The following SLCO2A1 variants were observed in gnomAD, a reference collection of about 807,000 sequenced individuals.
The protein encoded by SLCO2A1 is solute carrier organic anion transporter family member 2A1.
SLCO2A1 carries 60 observed loss-of-function variants against 71.7 expected under a neutral mutation model. The ratio of observed to expected loss-of-function variants is 0.84; its 90% confidence interval spans 0.68 to 1.04. The LOEUF is 1.04. Ranked by LOEUF, SLCO2A1 falls within the 50% of genes least tolerant of loss-of-function variation. The pLI is 0.00. For synonymous variants in SLCO2A1, 308 were observed against 326.7 expected, an observed-to-expected ratio of 0.94 and a Z score of 0.62; for missense variants, 745 against 813.4, an observed-to-expected ratio of 0.92 and a Z score of 1.02.
At chr3:134,002,718 AT>A (rs2108070545) in intron 1 of SLCO2A1, among the ~76,000 whole-genome samples, 1 of 152,290 alleles carries the variant, frequency 6.6e-6, no homozygotes, top group African/African-American at 2.4e-5. Flanking sequence ...TGCATTTATA[AT>A]AAACTCTCAT....
intron 1 of SLCO2A1, among the ~76,000 whole-genome samples, chr3:134,006,941 T>C (rs543849411): frequency 2.0e-4 from 30 of 152,340 alleles, no homozygotes; most frequent in African/African-American, 6.7e-4. Context: ...TTCCCACCAA[T>C]AGTGCACAAG....
rs368928185 is a variant in SLCO2A1, at chr3:133,945,127, T to C, written c.1429A>G (p.Ile477Val). Residue 477 changes from isoleucine (I) to valine (V), a missense_variant, in exon 10 of 14, where the codon ATC becomes GTC. Ile to Val is a conservative substitution (Grantham distance 29). Coordinates refer to ENST00000310926, the MANE Select transcript of SLCO2A1 (RefSeq NM_005630.3). ...LSPCHAGCSN[I>V]NMSSATSKQL... ...TTGGAGGTTGCAGAGCTCATGTTGATGTTGCTGCAGCCGGCATGGCAAGGG... is the reference window on the plus strand; with the variant it reads ...TTGGAGGTTGCAGAGCTCATGTTGACGTTGCTGCAGCCGGCATGGCAAGGG... 6.3e-5 allele frequency: 101 copies of C among 1,613,934 alleles called. No individual in the cohort carries two copies. In the South Asian group the frequency reaches 1.1e-3, roughly 18 times the overall value.
intron 3 of SLCO2A1, among the ~76,000 whole-genome samples, chr3:133,970,219 T>C (rs1297293334): frequency 3.9e-5 from 6 of 152,318 alleles, no homozygotes. Flanking sequence ...GCCACCAGGC[T>C]AAATTCTGAA....
At chr3:133,974,409 AG>A (rs775845944) in intron 2 of SLCO2A1, among the ~76,000 whole-genome samples, 15 of 152,244 alleles carry the variant, frequency 9.9e-5, no homozygotes, top group Non-Finnish European at 1.9e-4. Context: ...CTATGAGGTT[AG>A]GGCATGGCTT....
intron 1 of SLCO2A1, among the ~76,000 whole-genome samples, chr3:134,010,751 CAAAAAAA>C (rs57260052): frequency 1.4e-5 from 1 of 70,890 alleles, no homozygotes. Context: ...AGACTCTGTC[CAAAAAAA>C]AAAAAAAAAA....
At chr3:133,979,256 G>T (rs1169033607) in intron 2 of SLCO2A1, among the ~76,000 whole-genome samples, 1 of 152,244 alleles carries the variant, frequency 6.6e-6, no homozygotes, top group Non-Finnish European at 1.5e-5. Context: ...CCCAGGTCAG[G>T]CATGGGAGGC....
intron 1 of SLCO2A1, among the ~76,000 whole-genome samples, chr3:133,981,903 A>C (rs1052177541): frequency 9.3e-5 from 13 of 139,766 alleles, no homozygotes; most frequent in African/African-American, 3.5e-4. Context: ...TGAACCTGGG[A>C]GGTGGAGGTT....
At chr3:134,000,525 C>T (rs1935086000) in intron 1 of SLCO2A1, among the ~76,000 whole-genome samples, 1 of 152,116 alleles carries the variant, frequency 6.6e-6, no homozygotes, top group Non-Finnish European at 1.5e-5. Flanking sequence ...GAAGGCGGTG[C>T]AGGGAGCTAA....
chr3:133,976,851 G>A (rs1187266782), intron 2 of SLCO2A1, among the ~76,000 whole-genome samples: 1 of 152,182 alleles, frequency 6.6e-6, no homozygotes, highest in Non-Finnish European at 1.5e-5. Context: ...AAGAGAAGCT[G>A]CTGCTTCAAG....
At chr3:133,946,782 AT>A (rs1198861541) in intron 9 of SLCO2A1, among the ~76,000 whole-genome samples, 1 of 152,188 alleles carries the variant, frequency 6.6e-6, no homozygotes, top group Non-Finnish European at 1.5e-5. Flanking sequence ...GGAGCAGACC[AT>A]TCAAGACCTG....
Position 133,948,675 on chromosome 3 carries a change from G to T in SLCO2A1, c.966C>A (p.Leu322=), listed in dbSNP as rs562079749. Reference sequence around the variant, plus strand: ...CCAGGACGAAGAGTGAGTTCATCAGGAGCCTCAGAAAGATGCATGGAAACC... The same window carrying T: ...CCAGGACGAAGAGTGAGTTCATCAGTAGCCTCAGAAAGATGCATGGAAACC... ...IKRFPCIFLR[L]LMNSLFVLVV... The change falls in exon 8 of 14, where the codon CTC becomes CTA. Residue 322 remains leucine, a synonymous_variant. Transcript: ENST00000310926. 1 of 1,614,104 alleles carries T rather than the reference G, an allele frequency of 6.2e-7. No individual in the cohort carries two copies. Among genetic ancestry groups the T allele is most frequent in the East Asian group, 2.2e-5 (1 of 44,880 alleles).
intron 2 of SLCO2A1, among the ~76,000 whole-genome samples, chr3:133,978,042 AG>A (rs980015366): frequency 1.3e-4 from 20 of 152,276 alleles, no homozygotes; most frequent in African/African-American, 4.8e-4. Flanking sequence ...TCAGGCCAGC[AG>A]GGATGACTTA....
intron 1 of SLCO2A1, among the ~76,000 whole-genome samples, chr3:134,027,586 C>A (rs1000145799): frequency 2.0e-5 from 3 of 152,172 alleles, no homozygotes; most frequent in Non-Finnish European, 4.4e-5. Flanking sequence ...GCTGAATAAA[C>A]CCCTTCCTTC....
At chr3:133,973,951 GC>G in intron 2 of SLCO2A1, 126 bp from the exon 3 acceptor site, 1 of 958,292 alleles carries the variant, frequency 1.0e-6, no homozygotes, top group Non-Finnish European at 1.5e-6. Flanking sequence ...GTCAGCTGGG[GC>G]CCAGACAGAG....
chr3:133,991,982 G>A (rs1207658184), intron 1 of SLCO2A1, among the ~76,000 whole-genome samples: 2 of 152,214 alleles, frequency 1.3e-5, no homozygotes, highest in South Asian at 2.1e-4. Flanking sequence ...GCACAGAGAA[G>A]CAAACTGCAA....
intron 11 of SLCO2A1, 151 bp from the exon 12 acceptor site, chr3:133,938,644 C>G (rs907157805): frequency 4.4e-6 from 3 of 685,750 alleles, no homozygotes; most frequent in South Asian, 1.7e-5. Flanking sequence ...GCTGAATGCT[C>G]TAGTTCTTTA....
At chr3:134,000,019 A>G (rs911351376) in intron 1 of SLCO2A1, among the ~76,000 whole-genome samples, 1 of 152,014 alleles carries the variant, frequency 6.6e-6, no homozygotes, top group African/African-American at 2.4e-5. Flanking sequence ...ACAAAACAAA[A>G]CCCTCCAGTC....
intron 1 of SLCO2A1, among the ~76,000 whole-genome samples, chr3:133,988,809 T>G (rs149192312): frequency 3.3e-5 from 5 of 152,198 alleles, no homozygotes; most frequent in Non-Finnish European, 5.9e-5. Context: ...GCTGACTGCA[T>G]ACCAGACAGG....
At chr3:134,020,485 T>C (rs1338348962) in intron 1 of SLCO2A1, among the ~76,000 whole-genome samples, 3 of 152,218 alleles carry the variant, frequency 2.0e-5, no homozygotes, top group African/African-American at 7.2e-5. Context: ...GGGGTAGGCA[T>C]TTGCCCCAGT....
Sources: allele counts gnomAD v4.1 joint callset (sites outside exome capture counted in the v4.1 genomes callset), GRCh38; gene constraint gnomAD v4.1.1; transcripts MANE v1.5; gene names NCBI Gene and HGNC (gene_info 2026-07-23, HGNC 2026-07-21).